The following EML6 variants were observed in gnomAD, a reference collection of about 807,000 sequenced individuals.
EML6 encodes echinoderm microtubule-associated protein-like 6.
EML6 carries 154 observed loss-of-function variants against 240.1 expected under a neutral mutation model. The ratio of observed to expected loss-of-function variants is 0.64; its 90% CI spans 0.56 to 0.73. EML6 has a LOEUF of 0.73. Among genes scored for constraint, EML6 ranks in the 30% least tolerant of loss-of-function variants. The probability of loss-of-function intolerance (pLI) is 0.00; values close to 1 mark genes in which losing one functional copy is unlikely to be tolerated. For missense variants in EML6, 2,964 were observed against 2,474.6 expected (o/e 1.20, Z -4.20); for synonymous variants, 1,148 against 899.0 (o/e 1.28, Z -4.95).
intron 2 of EML6, among the ~76,000 whole-genome samples, chr2:54,776,508 C>T (rs754508707): frequency 8.6e-5 from 13 of 152,046 alleles, no homozygotes; most frequent in Non-Finnish European, 1.9e-4. Context: ...AAATCTTACA[C>T]GTATATTTTC....
Position 54,865,575 on chromosome 2 carries a change from C to T in EML6, c.1933-1191C>T, listed in dbSNP as rs77632642. Among the ~76,000 whole-genome samples, 829 of 152,286 alleles carry T rather than the reference C, an allele frequency of 5.4e-3. 6 individuals carry two copies. The highest frequency in any genetic ancestry group is 0.019 in the African/African-American group (776 of 41,562). On this transcript the variant is annotated intron_variant, in intron 13 of 41. Coordinates refer to ENST00000356458, the MANE Select transcript of EML6 (RefSeq NM_001039753.4). ...CTGAATTCTCCAAAATCCAAAACTT[C>T]GTAAGTACTGGTTTGATGCTCAAAG...
chr2:54,734,400 C>T (rs761202754), intron 2 of EML6, among the ~76,000 whole-genome samples: 5 of 152,176 alleles, frequency 3.3e-5, no homozygotes, highest in Admixed American at 6.5e-5. Flanking sequence ...GAGACTGTGC[C>T]GAAATGTCTC....
At chr2:54,915,214 C>G (rs1428698000) in intron 25 of EML6, among the ~76,000 whole-genome samples, 1 of 152,250 alleles carries the variant, frequency 6.6e-6, no homozygotes, top group East Asian at 1.9e-4. Flanking sequence ...ATTTGCTTCC[C>G]CTGGAGAACA....
At chr2:54,864,737 T>A (rs1361365173) in intron 13 of EML6, among the ~76,000 whole-genome samples, 1 of 152,208 alleles carries the variant, frequency 6.6e-6, no homozygotes, top group African/African-American at 2.4e-5. Context: ...CCACGTTGCT[T>A]GTCGTATTAG....
chr2:54,899,874 C>A (rs140511150), intron 22 of EML6, 92 bp downstream of exon 22: 5 of 1,225,256 alleles, frequency 4.1e-6, no homozygotes, highest in Non-Finnish European at 5.7e-6. Flanking sequence ...ACTGAGGGCA[C>A]GTGTTATATG....
intron 17 of EML6, chr2:54,880,323 C>A (rs1200540732): frequency 6.6e-6 from 1 of 152,166 alleles, no homozygotes; most frequent in Admixed American, 6.5e-5. Context: ...AATTTGTTGC[C>A]GAGGCGTGTT....
chr2:54,959,432 A>T (rs1232076593), intron 34 of EML6, among the ~76,000 whole-genome samples, 171 bp downstream of exon 34: 1 of 152,198 alleles, frequency 6.6e-6, no homozygotes. Context: ...AGATCCTCAC[A>T]AGGAAGAGAG....
chr2:54,749,916 G>A (rs1179470234), intron 2 of EML6, among the ~76,000 whole-genome samples: 3 of 152,102 alleles, frequency 2.0e-5, no homozygotes, highest in Non-Finnish European at 2.9e-5. Flanking sequence ...CTCCCATCAC[G>A]GTATGTCCAT....
At position 54,830,434 on chromosome 2, in the gene EML6, A is replaced by C. The variant is rs139055137; in HGVS notation, c.847+957A>C. Among the ~76,000 whole-genome samples, 856 of 152,212 alleles carry C rather than the reference A, an allele frequency of 5.6e-3. 11 individuals carry two copies. The highest frequency in any genetic ancestry group is 0.019 in the African/African-American group (802 of 41,528). ...AAGGGGAATCTTTTTCAGTGCCGAG[A>C]TGAGGGAGAAATTTCCTGAGCATCT... is the stretch of plus-strand genomic sequence containing the variant. On this transcript the variant is annotated intron_variant, in intron 7 of 41. Transcript: ENST00000356458.
rs949304730 is a variant in EML6 at position 54,971,925 on chromosome 2, A to T, written c.*1830A>T. On this transcript the variant is annotated 3_prime_UTR_variant, in exon 42 of 42. Coordinates refer to ENST00000356458, the MANE Select transcript of EML6 (RefSeq NM_001039753.4). ...GTTCATAAATCCTGCACTGTATGAT[A>T]TATGTGAGTTAAAACATTGGTGCAT... 6.6e-6 allele frequency: 1 copy of T among 152,272 alleles called. No individual in the cohort carries two copies. The highest frequency in any genetic ancestry group is 1.5e-5 in the Non-Finnish European group (1 of 68,054). 9.4% of individuals were successfully genotyped at this position (152,272 alleles called of 1,614,324 possible). A position where few individuals can be genotyped will look rare whatever the true frequency, so the allele number is the denominator to read the frequency against.
intron 14 of EML6, chr2:54,868,024 A>C (rs1226602922): frequency 6.6e-6 from 1 of 152,192 alleles, no homozygotes; most frequent in Non-Finnish European, 1.5e-5. Flanking sequence ...TTCTGAAAAA[A>C]GATGTTCTGC....
chr2:54,812,335 A>C (rs1264530015), intron 2 of EML6, among the ~76,000 whole-genome samples: 2 of 148,790 alleles, frequency 1.3e-5, no homozygotes, highest in Non-Finnish European at 3.0e-5. Context: ...AAAAAAAAAA[A>C]GTCTACTTCC....
intron 3 of EML6, among the ~76,000 whole-genome samples, chr2:54,813,721 G>C (rs146965531): frequency 4.1e-4 from 63 of 152,330 alleles, no homozygotes; most frequent in Non-Finnish European, 7.2e-4. Context: ...GTAAGGGCTA[G>C]ACCAAGCCTT....
Position 54,957,874 on chromosome 2 carries a change from C to G in EML6, c.4571C>G (p.Ser1524Cys). The G allele has an allele frequency of 6.4e-7, 1 of 1,551,448 alleles. No individual in the cohort carries two copies. The highest frequency in any genetic ancestry group is 8.7e-7 in the Non-Finnish European group (1 of 1,147,000). Reference sequence around the variant, plus strand: ...CCCGACTCAGACACGCAGTTTGTATCTGTCGGGGTCAAACATATGAAGTTC... The same window carrying G: ...CCCGACTCAGACACGCAGTTTGTATGTGTCGGGGTCAAACATATGAAGTTC... ...FRPDSDTQFV[S>C]VGVKHMKFWT... Residue 1524 changes from serine to cysteine, a missense_variant, in exon 33 of 42, where the codon TCT becomes TGT. Transcript: ENST00000356458.
At chr2:54,895,956 T>C (rs1264584496) in intron 21 of EML6, among the ~76,000 whole-genome samples, 1 of 152,168 alleles carries the variant, frequency 6.6e-6, no homozygotes, top group Non-Finnish European at 1.5e-5. Flanking sequence ...TGTGGAATCA[T>C]AACATTCCAT....
At chr2:54,825,742 T>C (rs781368236) in intron 5 of EML6, among the ~76,000 whole-genome samples, 13 of 152,096 alleles carry the variant, frequency 8.5e-5, no homozygotes, top group Non-Finnish European at 8.8e-5. Flanking sequence ...CGCACACACA[T>C]AGGACAGCCC....
At chr2:54,884,312 C>T (rs1343374594) in intron 17 of EML6, among the ~76,000 whole-genome samples, 3 of 152,168 alleles carry the variant, frequency 2.0e-5, no homozygotes, top group South Asian at 2.1e-4. Flanking sequence ...GGGTGCACCT[C>T]CCTCCAGGGA....
intron 32 of EML6, 112 bp from the exon 33 acceptor site, chr2:54,957,678 A>C: frequency 1.1e-6 from 1 of 902,410 alleles, no homozygotes; most frequent in Non-Finnish European, 1.7e-6. Context: ...GCTGTAAAGA[A>C]GAACTGAGGC....
chr2:54,928,763 C>A lies in EML6; in HGVS notation c.4004+12C>A. 6.4e-7 allele frequency: 1 copy of A among 1,551,626 alleles called. No individual in the cohort carries two copies. The highest frequency in any genetic ancestry group is 8.7e-7 in the Non-Finnish European group (1 of 1,146,964). ...TCCGTGGAAGAAAGGTATGGTGTTGCCAGGTTTGCTTGCTTTTATTATACC... is the reference window on the plus strand; with the variant it reads ...TCCGTGGAAGAAAGGTATGGTGTTGACAGGTTTGCTTGCTTTTATTATACC... On this transcript the variant is annotated intron_variant, in intron 28 of 41. Transcript: ENST00000356458.
Sources: allele counts gnomAD v4.1 joint callset (sites outside exome capture counted in the v4.1 genomes callset), GRCh38; gene constraint gnomAD v4.1.1; transcripts MANE v1.5; gene names NCBI Gene and HGNC (gene_info 2026-07-23, HGNC 2026-07-21).